MBD5: variants seen among roughly 807,000 people sequenced by gnomAD.
MBD5 encodes the protein methyl-CpG-binding domain protein 5.
Under a neutral mutation model 117.3 loss-of-function variants are expected in MBD5, and 13 were observed. The ratio of observed to expected loss-of-function variants is 0.11; its 90% CI spans 0.07 to 0.18. The LOEUF is 0.18. MBD5 is among the 10% of genes least tolerant of loss of function. The probability of loss-of-function intolerance (pLI) is 1.00; values close to 1 mark genes in which losing one functional copy is unlikely to be tolerated. For missense variants in MBD5, 1,879 were observed against 2,093.8 expected (o/e 0.90, Z 2.00); for synonymous variants, 727 against 766.4 (o/e 0.95, Z 0.85).
At chr2:148,430,028 A>G (rs1233431183) in intron 4 of MBD5, among the ~76,000 whole-genome samples, 1 of 152,148 alleles carries the variant, frequency 6.6e-6, no homozygotes, top group East Asian at 1.9e-4. Flanking sequence ...TAAAATTTGC[A>G]AACATATTGG....
chr2:148,468,306 T>G, intron 7 of MBD5, 35 bp from the exon 8 acceptor site: 3 of 1,576,226 alleles, frequency 1.9e-6, no homozygotes, highest in Non-Finnish European at 2.6e-6. Flanking sequence ...GAGTTGAGAC[T>G]GTTAACAGAA....
chr2:148,466,340 A>G (rs1007151444), intron 7 of MBD5, among the ~76,000 whole-genome samples: 16 of 152,106 alleles, frequency 1.1e-4, no homozygotes, highest in African/African-American at 2.7e-4. Flanking sequence ...TTTATTTTGT[A>G]TTTCAGTTAC....
intron 2 of MBD5, among the ~76,000 whole-genome samples, chr2:148,181,158 A>G (rs972888104): frequency 6.6e-6 from 1 of 152,106 alleles, no homozygotes; most frequent in African/African-American, 2.4e-5. Flanking sequence ...GATCCTTACT[A>G]TTTTATTTCA....
intron 4 of MBD5, among the ~76,000 whole-genome samples, chr2:148,446,939 G>A (rs1706553707): frequency 1.3e-5 from 2 of 151,688 alleles, no homozygotes; most frequent in South Asian, 2.1e-4. Context: ...AAATTTCAGT[G>A]GCATTTTATA....
chr2:148,319,150 T>C (rs1358631645), intron 3 of MBD5, among the ~76,000 whole-genome samples: 1 of 152,234 alleles, frequency 6.6e-6, no homozygotes, highest in Non-Finnish European at 1.5e-5. Flanking sequence ...TTTTGGTTAC[T>C]ATAGCCTTGT....
chr2:148,220,813 T>A (rs1345200206), intron 2 of MBD5, among the ~76,000 whole-genome samples: 1 of 152,108 alleles, frequency 6.6e-6, no homozygotes, highest in Non-Finnish European at 1.5e-5. Context: ...TTATTTTAAA[T>A]ATACAATTAA....
intron 3 of MBD5, 56 bp downstream of exon 3, chr2:148,233,451 A>G (rs1335153704): frequency 1.3e-5 from 2 of 152,196 alleles, no homozygotes; most frequent in African/African-American, 4.8e-5. Flanking sequence ...TGTAGACACA[A>G]GTAGAATTAT....
chr2:148,097,339 C>T (rs887225933), intron 1 of MBD5, among the ~76,000 whole-genome samples: 3 of 152,128 alleles, frequency 2.0e-5, no homozygotes, highest in African/African-American at 7.2e-5. Context: ...TTCTCAACGC[C>T]TTCTATGTTT....
At chr2:148,101,237 G>A (rs994012337) in intron 1 of MBD5, among the ~76,000 whole-genome samples, 4 of 152,056 alleles carry the variant, frequency 2.6e-5, no homozygotes, top group Admixed American at 2.6e-4. Flanking sequence ...GATCACTTGA[G>A]GCCAGGAGTT....
intron 3 of MBD5, among the ~76,000 whole-genome samples, chr2:148,302,662 T>A (rs1304329272): frequency 1.3e-5 from 2 of 152,042 alleles, no homozygotes; most frequent in African/African-American, 4.8e-5. Context: ...GGAGACACGG[T>A]CTTACTCTGT....
chr2:148,374,830 A>T (rs1703950952), intron 4 of MBD5, among the ~76,000 whole-genome samples: 1 of 152,162 alleles, frequency 6.6e-6, no homozygotes, highest in African/African-American at 2.4e-5. Context: ...CATGCGTATG[A>T]CTATTCTCCC....
At chr2:148,175,008 G>A (rs561930548) in intron 1 of MBD5, among the ~76,000 whole-genome samples, 1 of 152,202 alleles carries the variant, frequency 6.6e-6, no homozygotes, top group African/African-American at 2.4e-5. Context: ...CATGTTCTCT[G>A]CAGAGCTGTT....
chr2:148,471,655 A>C (rs1680800791), intron 8 of MBD5: 1 of 152,070 alleles, frequency 6.6e-6, no homozygotes, highest in Non-Finnish European at 1.5e-5. Context: ...ATCTTGTGTT[A>C]TGTGTTATGT....
In MBD5 at chr2:148,225,430, A is replaced by AT. The variant is rs574840839; in HGVS notation, c.-830-7809dup. On this transcript the variant is annotated intron_variant, in intron 2 of 13. Transcript: ENST00000642680. ...TATGTCTTGAAAACTTGTTATGGTTATTTTTTATTTATTTTATTGGTTAAT... is the reference window on the plus strand; with the variant it reads ...TATGTCTTGAAAACTTGTTATGGTTATTTTTTTATTTATTTTATTGGTTAAT... Among the ~76,000 whole-genome samples, 205 of 151,806 alleles carry AT rather than the reference A, an allele frequency of 1.4e-3. 3 individuals are homozygous for AT. Among genetic ancestry groups the AT allele is most frequent in the Non-Finnish European group, 1.4e-3 (94 of 67,964 alleles).
chr2:148,218,062 G>A (rs1244610726), intron 2 of MBD5, among the ~76,000 whole-genome samples: 2 of 152,162 alleles, frequency 1.3e-5, no homozygotes, highest in Non-Finnish European at 2.9e-5. Context: ...TCACTCACTA[G>A]CGTATTAATA....
At chr2:148,110,714 C>T (rs1462504159) in intron 1 of MBD5, among the ~76,000 whole-genome samples, 1 of 151,670 alleles carries the variant, frequency 6.6e-6, no homozygotes, top group African/African-American at 2.4e-5. Context: ...CGTTTTTTAG[C>T]TCTCATCTTA....
intron 4 of MBD5, among the ~76,000 whole-genome samples, chr2:148,353,230 GT>G (rs1703288611): frequency 6.6e-6 from 1 of 152,052 alleles, no homozygotes; most frequent in Non-Finnish European, 1.5e-5. Context: ...TTTTATAGAG[GT>G]TGTATTTGGG....
rs764331908 is a variant in MBD5, at chr2:148,342,343, A to C, written c.-557+7A>C. ...CATCACTTCTCTCCAGAAGGTAGGC[A>C]TCATGGTTTCTCTTCATAGATTCTT... is the stretch of plus-strand genomic sequence containing the variant. On this transcript the variant is annotated splice_region_variant and intron_variant, in intron 4 of 13. Coordinates refer to ENST00000642680, the MANE Select transcript of MBD5 (RefSeq NM_001378120.1). 6 of 152,054 alleles carry C rather than the reference A, an allele frequency of 3.9e-5. No individual in the cohort carries two copies. Among genetic ancestry groups the C allele is most frequent in the Non-Finnish European group, 8.8e-5 (6 of 67,964 alleles). 9.4% of individuals were successfully genotyped at this position (152,054 alleles called of 1,614,324 possible).
chr2:148,218,652 A>G (rs1365376958), intron 2 of MBD5, among the ~76,000 whole-genome samples: 2 of 152,230 alleles, frequency 1.3e-5, no homozygotes, highest in African/African-American at 4.8e-5. Context: ...CACTTACGCT[A>G]TAGGGTATAG....
Sources: allele counts gnomAD v4.1 joint callset (sites outside exome capture counted in the v4.1 genomes callset), GRCh38; gene constraint gnomAD v4.1.1; transcripts MANE v1.5; gene names NCBI Gene and HGNC (gene_info 2026-07-23, HGNC 2026-07-21).